AP1AR: variants seen among roughly 807,000 people sequenced by gnomAD.
The protein encoded by AP1AR is AP-1 complex-associated regulatory protein.
In AP1AR, 29 loss-of-function variants were observed where a neutral mutation model predicts 46.3. That is an observed-to-expected ratio of 0.63 (90% confidence interval 0.47 to 0.85). The LOEUF (loss-of-function observed/expected upper bound fraction) is 0.85, where lower values mean the gene tolerates loss of function less well. Among genes scored for constraint, AP1AR ranks in the 40% least tolerant of loss-of-function variants. The pLI, the probability that AP1AR is intolerant of heterozygous loss-of-function variation, is 0.00. For synonymous variants in AP1AR, 122 were observed against 122.9 expected (o/e 0.99, Z 0.05); for missense variants, 357 against 356.3 (o/e 1.00, Z -0.02).
In AP1AR at chr4:112,268,217, T is replaced by A; in HGVS notation, c.717T>A (p.Tyr239Ter). Residue 239 changes from tyrosine (Y) to a stop codon, truncating the protein, a stop_gained, in exon 10 of 10, where the codon TAT becomes TAA. Transcript: ENST00000274000. LOFTEE classifies it high-confidence loss of function. ...ACATTCTACGGGCAGCACTTAAGTA[T>A]AGCAACAAGAAGACTGGAAGTAATC... ...EEDILRAALK[Y>*]SNKKTGSNPT... 6.2e-7 allele frequency: 1 copy of A among 1,612,460 alleles called. No individual in the cohort carries two copies. The highest frequency in any genetic ancestry group is 8.5e-7 in the Non-Finnish European group (1 of 1,179,010).
In AP1AR at chr4:112,265,027, G is replaced by T. The variant is rs771034493; in HGVS notation, c.400G>T (p.Val134Leu). Residue 134 changes from valine to leucine, a missense_variant, in exon 7 of 10, where the codon GTG becomes TTG. Coordinates refer to ENST00000274000, the MANE Select transcript of AP1AR (RefSeq NM_018569.6). ...KLLEQERQRI[V>L]QQYHPSNNGE... ...TCCAAAGCAAGAAAGGCAGAGAATT[G>T]TGCAGCAATATCATCCTTCCAACAA... 5 of 1,602,936 alleles carry T rather than the reference G, an allele frequency of 3.1e-6. No individual in the cohort carries two copies. In the South Asian group the frequency reaches 5.7e-5, roughly 18 times the overall value.
chr4:112,265,122 T>G, intron 7 of AP1AR, 55 bp downstream of exon 7: 2 of 1,393,540 alleles, frequency 1.4e-6, no homozygotes, highest in Non-Finnish European at 2.0e-6. Flanking sequence ...TTTATTGCGG[T>G]GTAGAGCATC....
chr4:112,259,367 T>C (rs1395476481), intron 4 of AP1AR, among the ~76,000 whole-genome samples: 1 of 152,212 alleles, frequency 6.6e-6, no homozygotes, highest in African/African-American at 2.4e-5. Flanking sequence ...TGCCACATAC[T>C]ATATGACTTA....
intron 1 of AP1AR, among the ~76,000 whole-genome samples, chr4:112,242,300 A>G (rs1472267697): frequency 1.3e-5 from 2 of 152,114 alleles, no homozygotes; most frequent in African/African-American, 4.8e-5. Flanking sequence ...ATTCTTCCAA[A>G]TTTCTGTATA....
chr4:112,240,983 CA>C (rs1486052601), intron 1 of AP1AR, among the ~76,000 whole-genome samples: 1 of 152,162 alleles, frequency 6.6e-6, no homozygotes, highest in African/African-American at 2.4e-5. Flanking sequence ...TCAGATGCTG[CA>C]CACAAATTGC....
intron 9 of AP1AR, 148 bp from the exon 10 acceptor site, chr4:112,267,996 A>T: frequency 1.5e-6 from 1 of 686,602 alleles, no homozygotes. Context: ...AATTTCCCTT[A>T]AGAAGGCCTC....
chr4:112,259,020 C>T (rs190920529), intron 4 of AP1AR, among the ~76,000 whole-genome samples: 25 of 151,888 alleles, frequency 1.6e-4, no homozygotes, highest in South Asian at 1.0e-3. Context: ...ATTGACTAGG[C>T]GGACACTAGA....
chr4:112,252,781 A>G (rs1726014701), intron 1 of AP1AR, among the ~76,000 whole-genome samples: 2 of 152,246 alleles, frequency 1.3e-5, no homozygotes, highest in African/African-American at 4.8e-5. Flanking sequence ...ATATTGACAT[A>G]TATACTTTTA....
At chr4:112,257,946 G>A (rs1726277900) in intron 4 of AP1AR, 149 bp downstream of exon 4, 1 of 604,138 alleles carries the variant, frequency 1.7e-6, no homozygotes, top group African/African-American at 1.9e-5. Context: ...ATAAGATTGA[G>A]ACAAATATCA....
At chr4:112,236,906 A>G (rs1467229985) in intron 1 of AP1AR, among the ~76,000 whole-genome samples, 1 of 152,230 alleles carries the variant, frequency 6.6e-6, no homozygotes, top group Non-Finnish European at 1.5e-5. Context: ...TAATTTCAAA[A>G]AACGTGTCAT....
intron 6 of AP1AR, 51 bp from the exon 7 acceptor site, chr4:112,264,956 AAT>A (rs754517424): frequency 1.5e-5 from 22 of 1,432,886 alleles, no homozygotes; most frequent in African/African-American, 2.9e-5. Context: ...GTGGTTTTAA[AAT>A]ATATAATTTT....
At chr4:112,263,588 G>T (rs1726548210) in intron 6 of AP1AR, among the ~76,000 whole-genome samples, 1 of 151,906 alleles carries the variant, frequency 6.6e-6, no homozygotes, top group African/African-American at 2.4e-5. Context: ...GTGTCCTTGG[G>T]AGATTGGGAG....
At chr4:112,256,874 A>AAATACAAG (rs1726220989) in intron 3 of AP1AR, among the ~76,000 whole-genome samples, 1 of 152,220 alleles carries the variant, frequency 6.6e-6, no homozygotes, top group Admixed American at 6.5e-5. Context: ...ACTGCAGGGG[A>AAATACAAG]AATACAAGGT....
At chr4:112,262,315 A>G (rs1717409689) in intron 5 of AP1AR, among the ~76,000 whole-genome samples, 1 of 152,192 alleles carries the variant, frequency 6.6e-6, no homozygotes, top group South Asian at 2.1e-4. Context: ...TCAAAAAGAA[A>G]AGTATGTTTA....
At chr4:112,266,190 A>G (rs6835890) in intron 8 of AP1AR, among the ~76,000 whole-genome samples, 87,601 of 151,488 alleles carry the variant, frequency 0.58, 26,337 homozygotes, top group African/African-American at 0.75. Flanking sequence ...TTCAAAAGCA[A>G]AAACTCTTAT....
chr4:112,235,828 A>G (rs1357377089), intron 1 of AP1AR, among the ~76,000 whole-genome samples: 2 of 152,166 alleles, frequency 1.3e-5, no homozygotes, highest in Non-Finnish European at 2.9e-5. Flanking sequence ...AGAAGAACTT[A>G]TGAATATACC....
intron 1 of AP1AR, among the ~76,000 whole-genome samples, chr4:112,246,727 A>G (rs1725740963): frequency 6.6e-6 from 1 of 152,194 alleles, no homozygotes; most frequent in South Asian, 2.1e-4. Context: ...GGAGGTGCTT[A>G]GTGATTGTAG....
chr4:112,257,834 T>C (rs1275883154), intron 4 of AP1AR, 37 bp downstream of exon 4: 14 of 1,517,812 alleles, frequency 9.2e-6, no homozygotes, highest in Non-Finnish European at 1.2e-5. Context: ...AAAACTTCTA[T>C]GCAAACTGTA....
chr4:112,259,947 G>A (rs188251287), intron 4 of AP1AR, among the ~76,000 whole-genome samples: 1 of 151,610 alleles, frequency 6.6e-6, no homozygotes, highest in Non-Finnish European at 1.5e-5. Flanking sequence ...GAGTGAAATT[G>A]CCTTTTAAGA....
Sources: allele counts gnomAD v4.1 joint callset (sites outside exome capture counted in the v4.1 genomes callset), GRCh38; gene constraint gnomAD v4.1.1; transcripts MANE v1.5; gene names NCBI Gene and HGNC (gene_info 2026-07-23, HGNC 2026-07-21).